The following PHLPP2 variants were observed in gnomAD, a reference collection of about 807,000 sequenced individuals.
PHLPP2 encodes PH domain and leucine rich repeat protein phosphatase 2.
In PHLPP2, 66 loss-of-function variants were observed where a neutral mutation model predicts 124.9. The ratio of observed to expected loss-of-function variants is 0.53; its 90% confidence interval spans 0.43 to 0.65. The LOEUF is 0.65. Ranked by LOEUF, PHLPP2 falls within the 30% of genes least tolerant of loss-of-function variation. PHLPP2 has a pLI of 0.00. For synonymous variants in PHLPP2, 681 were observed against 624.7 expected, an observed-to-expected ratio of 1.09 and a Z score of -1.34; for missense variants, 1,685 against 1,600.4, an observed-to-expected ratio of 1.05 and a Z score of -0.90.
intron 18 of PHLPP2, among the ~76,000 whole-genome samples, chr16:71,650,698 T>C (rs2044689825): frequency 6.6e-6 from 1 of 152,238 alleles, no homozygotes; most frequent in Non-Finnish European, 1.5e-5. Flanking sequence ...TTTGTTGTAC[T>C]GATTTCAAGA....
intron 2 of PHLPP2, among the ~76,000 whole-genome samples, chr16:71,705,503 C>G (rs2045267057): frequency 6.6e-6 from 1 of 151,478 alleles, no homozygotes; most frequent in South Asian, 2.1e-4. Flanking sequence ...TCTTTTTTTT[C>G]TTTTTCTTTT....
At chr16:71,682,999 T>C (rs914182907) in intron 5 of PHLPP2, among the ~76,000 whole-genome samples, 6 of 152,206 alleles carry the variant, frequency 3.9e-5, no homozygotes, top group Non-Finnish European at 8.8e-5. Context: ...GGTGAAACCC[T>C]GTCTCTACTA....
At chr16:71,690,012 C>T (rs575547684) in intron 4 of PHLPP2, among the ~76,000 whole-genome samples, 2 of 152,168 alleles carry the variant, frequency 1.3e-5, no homozygotes, top group Non-Finnish European at 2.9e-5. Flanking sequence ...ATTAACATAT[C>T]TGTTTATGGT....
chr16:71,649,065 G>C lies in PHLPP2; in HGVS notation c.3797C>G (p.Thr1266Ser). The C allele has an allele frequency of 1.2e-6, 2 of 1,614,154 alleles. No individual in the cohort carries two copies. The highest frequency in any genetic ancestry group is 1.7e-6 in the Non-Finnish European group (2 of 1,180,024). ...CTGAGTGGGGGCAGCAAAATAGCCA[G>C]TTTTCCTCTTGGGCACTTCTGTGGC... is the stretch of plus-strand genomic sequence containing the variant. ...EVATEVPKRK[T>S]GYFAAPTQME... is the part of the protein sequence containing the mutation. Residue 1266 changes from threonine to serine, a missense_variant, in exon 19 of 19, where the codon ACT (threonine) becomes AGT (serine). Transcript: ENST00000568954.
intron 10 of PHLPP2, 53 bp downstream of exon 10, chr16:71,672,209 A>G: frequency 7.5e-7 from 1 of 1,336,028 alleles, no homozygotes; most frequent in Non-Finnish European, 1.1e-6. Flanking sequence ...AAAAATCCAC[A>G]TGTATCTCTT....
intron 13 of PHLPP2, among the ~76,000 whole-genome samples, chr16:71,659,572 T>C (rs1209452720): frequency 6.6e-6 from 1 of 152,088 alleles, no homozygotes; most frequent in Non-Finnish European, 1.5e-5. Context: ...TTCTTTACAG[T>C]TTTAAATTTC....
At position 71,667,247 on chromosome 16, in the gene PHLPP2, A is replaced by G; in HGVS notation, c.1715T>C (p.Leu572Pro). 9 of 1,613,726 alleles carry G rather than the reference A, an allele frequency of 5.6e-6. No homozygotes were observed. The highest frequency in any genetic ancestry group is 7.6e-6 in the Non-Finnish European group (9 of 1,179,748). ...ATTATGCTGAAGATCCAGCACCTCGAGGGGGATGTGCTCTACCAGTGTTGG... is the reference window on the plus strand; with the variant it reads ...ATTATGCTGAAGATCCAGCACCTCGGGGGGGATGTGCTCTACCAGTGTTGG... ...NLPTLVEHIP[L>P]EVLDLQHNAL... The change falls in exon 12 of 19, where the codon CTC becomes CCC. Residue 572 changes from leucine (L) to proline (P), a missense_variant. Physicochemically the swap from Leu to Pro is moderately conservative, Grantham distance 98. Transcript: ENST00000568954.
Position 71,684,542 on chromosome 16 carries a change from A to C in PHLPP2, c.669T>G (p.Ala223=), listed in dbSNP as rs776800210. The C allele has an allele frequency of 6.2e-7, 1 of 1,613,832 alleles. No homozygotes were observed. Among genetic ancestry groups the C allele is most frequent in the Non-Finnish European group, 8.5e-7 (1 of 1,179,916 alleles). ...SLAFSSAGAQ[A]QTYHVSFETL... The stretch of plus-strand genomic sequence containing the variant: ...TCTCGAAGCTGACATGATAGGTCTG[A>C]GCTTGGGCTCCTGCTGAGCTGAAAG... Residue 223 remains alanine (A), a synonymous_variant, in exon 5 of 19, where the codon GCT becomes GCG. Coordinates refer to ENST00000568954, the MANE Select transcript of PHLPP2 (RefSeq NM_015020.3).
chr16:71,706,494 T>C (rs1051888350), intron 2 of PHLPP2, among the ~76,000 whole-genome samples: 3 of 152,198 alleles, frequency 2.0e-5, no homozygotes, highest in Admixed American at 1.3e-4. Flanking sequence ...CAAAGTATAG[T>C]ACCATGTTCT....
chr16:71,720,975 T>C (rs1286866877), intron 1 of PHLPP2, among the ~76,000 whole-genome samples: 1 of 152,066 alleles, frequency 6.6e-6, no homozygotes, highest in Non-Finnish European at 1.5e-5. Flanking sequence ...ACACACGTTA[T>C]TAAATATTGT....
intron 4 of PHLPP2, among the ~76,000 whole-genome samples, chr16:71,686,812 T>G (rs1232309278): frequency 6.6e-6 from 1 of 152,064 alleles, no homozygotes; most frequent in East Asian, 1.9e-4. Flanking sequence ...GGTATAGATA[T>G]ATCACATTTG....
In PHLPP2 at chr16:71,649,991, G is replaced by A. The variant is rs780945216; in HGVS notation, c.2871C>T (p.Tyr957=). The change falls in exon 19 of 19, where the codon TAC becomes TAT. Residue 957 remains tyrosine (Y), a synonymous_variant. Coordinates refer to ENST00000568954, the MANE Select transcript of PHLPP2 (RefSeq NM_015020.3). ...TCCTRMLGCT[Y]LYPWILPKPH... ...GCTTGGGGAGGATCCAAGGGTAGAG[G>A]TATGTACAGCCCAGCATCCGGGTAC... The A allele has an allele frequency of 6.2e-6, 10 of 1,613,268 alleles. No homozygotes were observed. In the South Asian group the frequency reaches 1.1e-4, roughly 18 times the overall value.
At chr16:71,653,517 C>T (rs2044713763) in intron 17 of PHLPP2, among the ~76,000 whole-genome samples, 1 of 152,158 alleles carries the variant, frequency 6.6e-6, no homozygotes, top group Non-Finnish European at 1.5e-5. Context: ...GAGGGAAGGA[C>T]CATGATTCTT....
chr16:71,671,438 T>C (rs2044891967), intron 10 of PHLPP2, among the ~76,000 whole-genome samples: 1 of 151,956 alleles, frequency 6.6e-6, no homozygotes, highest in African/African-American at 2.4e-5. Context: ...TGCTGCCCTG[T>C]CACTGCTTGT....
intron 9 of PHLPP2, among the ~76,000 whole-genome samples, chr16:71,674,129 G>A (rs2044920922): frequency 6.7e-6 from 1 of 150,334 alleles, no homozygotes; most frequent in African/African-American, 2.5e-5. Context: ...CCAAGCTGGA[G>A]TGTAATGGCA....
At chr16:71,657,396 T>C (rs1567613095) in intron 15 of PHLPP2, among the ~76,000 whole-genome samples, 1 of 149,892 alleles carries the variant, frequency 6.7e-6, no homozygotes. Flanking sequence ...TATTATCTTT[T>C]TTTTTTTCTC....
At chr16:71,703,215 T>C (rs1055048717) in intron 2 of PHLPP2, among the ~76,000 whole-genome samples, 2 of 152,216 alleles carry the variant, frequency 1.3e-5, no homozygotes, top group African/African-American at 4.8e-5. Context: ...ATGATACAAC[T>C]AATCTAAACA....
intron 2 of PHLPP2, among the ~76,000 whole-genome samples, chr16:71,703,502 T>A (rs937443811): frequency 1.5e-4 from 22 of 150,372 alleles, no homozygotes; most frequent in Non-Finnish European, 2.5e-4. Context: ...GAAAAATATT[T>A]AAAAAAAAAA....
At chr16:71,673,216 G>GT (rs2044910605) in intron 9 of PHLPP2, among the ~76,000 whole-genome samples, 1 of 152,122 alleles carries the variant, frequency 6.6e-6, no homozygotes, top group South Asian at 2.1e-4. Flanking sequence ...TATATTGAAC[G>GT]TAAGCCTAGA....
Sources: allele counts gnomAD v4.1 joint callset (sites outside exome capture counted in the v4.1 genomes callset), GRCh38; gene constraint gnomAD v4.1.1; transcripts MANE v1.5; gene names NCBI Gene and HGNC (gene_info 2026-07-23, HGNC 2026-07-21).